VAMP4: variants seen among roughly 807,000 people sequenced by gnomAD.
VAMP4 encodes vesicle-associated membrane protein 4.
Under a neutral mutation model 23.5 loss-of-function variants are expected in VAMP4, and 19 were observed. The ratio of observed to expected loss-of-function variants is 0.81; its 90% CI spans 0.56 to 1.19. The LOEUF is 1.19. Among genes scored for constraint, VAMP4 ranks in the 50% most tolerant of loss-of-function variants. The pLI is 0.00. For missense variants in VAMP4, 145 were observed against 168.6 expected, an observed-to-expected ratio of 0.86 and a Z score of 0.78; for synonymous variants, 31 against 51.0, an observed-to-expected ratio of 0.61 and a Z score of 1.67.
In VAMP4 at chr1:171,728,555, C is replaced by T; in HGVS notation, c.82G>A (p.Asp28Asn). The part of the protein sequence containing the change: ...VKSERRNLLE[D>N]DSDEEEDFFL... ...AAGTCCTCTTCTTCATCTGAATCAT[C>T]TTCCAAAAGATTTCTCTGTCAAAAA... Residue 28 changes from aspartate to asparagine, a missense_variant, in exon 3 of 8, where the codon GAT becomes AAT. By Grantham distance (23) the Asp-to-Asn change is conservative. Transcript: ENST00000236192. 2 of 1,553,768 alleles carry T rather than the reference C, an allele frequency of 1.3e-6. No individual in the cohort carries two copies. Among genetic ancestry groups the T allele is most frequent in the Middle Eastern group, 1.7e-4 (1 of 5,788 alleles).
rs1338666039 is a variant in VAMP4, at chr1:171,700,568, C to T, written c.*3938G>A. 6.6e-6 allele frequency: 1 copy of T among 152,112 alleles called. No individual in the cohort carries two copies. The highest frequency in any genetic ancestry group is 6.5e-5 in the Admixed American group (1 of 15,272). The allele number at this position is 152,112 out of a possible 1,614,324, so 9.4% of individuals were successfully genotyped here. On this transcript the variant is annotated 3_prime_UTR_variant, in exon 8 of 8. Transcript: ENST00000236192. ...AAATGAAAAGAACCTAATGGAATACCATAAAGCCAGAGTTTTTCCACACCC... is the reference window on the plus strand; with the variant it reads ...AAATGAAAAGAACCTAATGGAATACTATAAAGCCAGAGTTTTTCCACACCC...
chr1:171,733,372 G>C (rs529560991), intron 2 of VAMP4, among the ~76,000 whole-genome samples: 26 of 151,856 alleles, frequency 1.7e-4, no homozygotes, highest in African/African-American at 5.8e-4. Context: ...AGGCTACTTG[G>C]GGGGATTGCT....
At chr1:171,722,783 C>G (rs202073724) in intron 3 of VAMP4, among the ~76,000 whole-genome samples, 2 of 152,224 alleles carry the variant, frequency 1.3e-5, no homozygotes, top group African/African-American at 2.4e-5. Flanking sequence ...TGTGGAGAAA[C>G]AGGAACGCTT....
chr1:171,725,961 T>A (rs1655352964), intron 3 of VAMP4, among the ~76,000 whole-genome samples: 1 of 151,916 alleles, frequency 6.6e-6, no homozygotes, highest in African/African-American at 2.4e-5. Context: ...GTGCTGGGAT[T>A]ACAGGCGTGA....
intron 5 of VAMP4, 59 bp downstream of exon 5, chr1:171,710,652 AAGT>A: frequency 1.5e-6 from 2 of 1,306,752 alleles, no homozygotes; most frequent in South Asian, 1.3e-5. Context: ...TTGGCTAGAC[AAGT>A]AGAAGACAAA....
chr1:171,735,956 G>A (rs1381376340), intron 2 of VAMP4, among the ~76,000 whole-genome samples: 3 of 151,810 alleles, frequency 2.0e-5, no homozygotes, highest in East Asian at 3.9e-4. Flanking sequence ...GCACAATCTC[G>A]GCTCACTGCA....
chr1:171,703,425 G>GTATATATATATATA lies in VAMP4; in HGVS notation c.*1067_*1080dup, dbSNP rs59222991. On this transcript the variant is annotated 3_prime_UTR_variant, in exon 8 of 8. Transcript: ENST00000236192. Reference sequence around the variant, plus strand: ...TGTGTGTGTGTGTGTGTGTTTGTGTGTATATATATATATATATATATATAT... The same window carrying GTATATATATATATA: ...TGTGTGTGTGTGTGTGTGTTTGTGTGTATATATATATATATATATATATATATATATATATATAT... 49 of 80,638 alleles carry GTATATATATATATA rather than the reference G, an allele frequency of 6.1e-4. No individual in the cohort carries two copies. Among genetic ancestry groups the GTATATATATATATA allele is most frequent in the African/African-American group, 1.1e-3 (23 of 20,944 alleles). 5.0% of individuals were successfully genotyped at this position (80,638 alleles called of 1,614,324 possible). A position where few individuals can be genotyped will look rare whatever the true frequency, so the allele number is the denominator to read the frequency against.
At position 171,710,645 on chromosome 1, in the gene VAMP4, G is replaced by A. The variant is rs868101988; in HGVS notation, c.265+69C>T. 3 of 1,224,156 alleles carry A rather than the reference G, an allele frequency of 2.5e-6. No homozygotes were observed. The East Asian group carries it at 7.6e-5, about 31-fold the overall frequency. 75.8% of individuals were successfully genotyped at this position (1,224,156 alleles called of 1,614,324 possible). A position where few individuals can be genotyped will look rare whatever the true frequency, so the allele number is the denominator to read the frequency against. On this transcript the variant is annotated intron_variant, in intron 5 of 7. Transcript: ENST00000236192. ...CCTAAGCCAAGATTTGTAAACGTTG[G>A]CTAGACAAGTAGAAGACAAAAACTA...
chr1:171,711,627 A>G (rs1448999017), intron 4 of VAMP4, among the ~76,000 whole-genome samples: 2 of 152,140 alleles, frequency 1.3e-5, no homozygotes, highest in Non-Finnish European at 2.9e-5. Context: ...AGAGTATACA[A>G]ACATGGACAT....
At chr1:171,726,414 C>A (rs548851269) in intron 3 of VAMP4, among the ~76,000 whole-genome samples, 2 of 152,322 alleles carry the variant, frequency 1.3e-5, no homozygotes, top group Non-Finnish European at 2.9e-5. Context: ...CCTTCTACAT[C>A]AATCCCCAGA....
intron 3 of VAMP4, 66 bp from the exon 4 acceptor site, chr1:171,719,287 T>C (rs1416803923): frequency 6.6e-6 from 9 of 1,355,912 alleles, no homozygotes; most frequent in Non-Finnish European, 7.2e-6. Context: ...AAAAAAAAGA[T>C]AGAAAGTATA....
chr1:171,740,369 G>A (rs1276924139), intron 1 of VAMP4, among the ~76,000 whole-genome samples: 2 of 152,170 alleles, frequency 1.3e-5, no homozygotes, highest in Non-Finnish European at 2.9e-5. Context: ...GTTTGTTAAT[G>A]ATATACACTT....
rs1558103764 is a variant in VAMP4, at chr1:171,703,449, A to ATATATATATG, written c.*1056_*1057insCATATATATA. ...TGTATATATATATATATATATATAT[A>ATATATATATG]TATATATATATATATATATACACAT... On this transcript the variant is annotated 3_prime_UTR_variant, in exon 8 of 8. Transcript: ENST00000236192. The ATATATATATG allele has an allele frequency of 8.9e-5, 10 of 112,024 alleles. No homozygotes were observed. Among genetic ancestry groups the ATATATATATG allele is most frequent in the African/African-American group, 3.5e-4 (10 of 28,864 alleles). The allele number at this position is 112,024 out of a possible 1,614,324, so 6.9% of individuals were successfully genotyped here.
chr1:171,709,351 T>C lies in VAMP4; in HGVS notation c.345+314A>G, dbSNP rs958889994. Among the ~76,000 whole-genome samples the C allele has an allele frequency of 2.6e-5, 4 of 152,148 alleles. No homozygotes were observed. In the East Asian group the frequency reaches 7.7e-4, roughly 29 times the overall value. On this transcript the variant is annotated intron_variant, in intron 6 of 7. Transcript: ENST00000236192. Reference sequence around the variant, plus strand: ...AGAGGTTGCTCCAAAAAAGTATTAATAGTAAATTTCAAGAAAAAATGTATA... The same window carrying C: ...AGAGGTTGCTCCAAAAAAGTATTAACAGTAAATTTCAAGAAAAAATGTATA...
chr1:171,726,823 A>T, intron 3 of VAMP4, among the ~76,000 whole-genome samples: 1 of 152,184 alleles, frequency 6.6e-6, no homozygotes, highest in East Asian at 1.9e-4. Flanking sequence ...GATGCCATCA[A>T]AATCAAAATT....
intron 5 of VAMP4, 66 bp from the exon 6 acceptor site, chr1:171,709,810 C>T: frequency 8.1e-7 from 1 of 1,237,144 alleles, no homozygotes; most frequent in East Asian, 2.3e-5. Flanking sequence ...TCTAGTCACA[C>T]AAAGATAAGA....
At chr1:171,740,094 G>C (rs1481743500) in intron 1 of VAMP4, among the ~76,000 whole-genome samples, 2 of 152,142 alleles carry the variant, frequency 1.3e-5, no homozygotes, top group African/African-American at 4.8e-5. Context: ...CTTTAAAGTA[G>C]GCACCAAGAA....
intron 7 of VAMP4, 141 bp from the exon 8 acceptor site, chr1:171,704,675 A>ATAAT: frequency 1.9e-6 from 1 of 533,776 alleles, no homozygotes. Flanking sequence ...GAGGTAATAA[A>ATAAT]TAATCAATGG....
chr1:171,712,365 G>A (rs1031004243), intron 4 of VAMP4, among the ~76,000 whole-genome samples: 33 of 152,018 alleles, frequency 2.2e-4, no homozygotes, highest in African/African-American at 7.7e-4. Context: ...TATCCTTTCC[G>A]ATCACTGAGC....
Sources: gnomAD v4.1 joint callset for allele counts (sites outside exome capture counted in the v4.1 genomes callset) on GRCh38, gnomAD v4.1.1 for gene constraint, MANE v1.5 for transcripts, NCBI Gene and HGNC (gene_info 2026-07-23, HGNC 2026-07-21) for gene names.